CSNK1A1: variants seen among roughly 807,000 people sequenced by gnomAD.
CSNK1A1 encodes casein kinase I isoform alpha.
A neutral mutation model predicts 46.1 loss-of-function variants in CSNK1A1; 7 were observed. The ratio of observed to expected loss-of-function variants is 0.15; its 90% CI spans 0.09 to 0.29. The LOEUF (loss-of-function observed/expected upper bound fraction) is 0.29, where lower values mean the gene tolerates loss of function less well. CSNK1A1 is among the 10% of genes least tolerant of loss of function. CSNK1A1 has a pLI of 1.00. For missense variants in CSNK1A1, 96 were observed against 417.1 expected (o/e 0.23, Z 6.71); for synonymous variants, 137 against 141.5 (o/e 0.97, Z 0.23).
At chr5:149,500,403 CT>C (rs2113048568) in intron 9 of CSNK1A1, among the ~76,000 whole-genome samples, 1 of 152,220 alleles carries the variant, frequency 6.6e-6, no homozygotes, top group South Asian at 2.1e-4. Flanking sequence ...TCCCAAACTG[CT>C]GGGATTACAG....
At chr5:149,529,834 A>C (rs563926745) in intron 2 of CSNK1A1, 2 of 424,500 alleles carry the variant, frequency 4.7e-6, no homozygotes, top group South Asian at 3.3e-5. Flanking sequence ...CAGGGGAAGG[A>C]ATGACAATGA....
intron 2 of CSNK1A1, among the ~76,000 whole-genome samples, chr5:149,539,804 T>G (rs1020149087): frequency 6.6e-6 from 1 of 152,130 alleles, no homozygotes; most frequent in East Asian, 1.9e-4. Flanking sequence ...CAGTAGGACC[T>G]GTACAAATCA....
At chr5:149,508,522 T>G (rs1030057793) in intron 7 of CSNK1A1, among the ~76,000 whole-genome samples, 2 of 152,226 alleles carry the variant, frequency 1.3e-5, no homozygotes, top group African/African-American at 4.8e-5. Context: ...TTTTTATGGA[T>G]GAGATCATGG....
In CSNK1A1 at chr5:149,517,570, T is replaced by G. The variant is rs918429489; in HGVS notation, c.456+2720A>C. ...CTAAACATAATATCCTATTTTCATT[T>G]AGCTTTTTTCTAAACTTTATAAGTT... On this transcript the variant is annotated intron_variant, in intron 4 of 9. Coordinates refer to ENST00000377843, the MANE Select transcript of CSNK1A1 (RefSeq NM_001892.6). This position sits in a 1 kb window ranked among gnomAD's most constrained non-coding sequence, Gnocchi z 4.4. 6.6e-6 allele frequency among the ~76,000 whole-genome samples: 1 copy of G among 152,244 alleles called. No individual in the cohort carries two copies. The highest frequency in any genetic ancestry group is 2.4e-5 in the African/African-American group (1 of 41,470).
chr5:149,510,721 C>T (rs1311528120), intron 6 of CSNK1A1, among the ~76,000 whole-genome samples: 4 of 151,934 alleles, frequency 2.6e-5, no homozygotes, highest in Non-Finnish European at 4.4e-5. Context: ...TCAAGTGATC[C>T]GCCTGGCTGG....
At chr5:149,514,895 G>C (rs906603162) in intron 4 of CSNK1A1, among the ~76,000 whole-genome samples, 1 of 152,118 alleles carries the variant, frequency 6.6e-6, no homozygotes, top group African/African-American at 2.4e-5. Context: ...GACTCTCAAA[G>C]TAAAAAGATT....
At chr5:149,548,029 C>A (rs1421576826) in intron 2 of CSNK1A1, among the ~76,000 whole-genome samples, 22 of 152,168 alleles carry the variant, frequency 1.4e-4, no homozygotes, top group Admixed American at 6.5e-5. Context: ...TGCCACCATG[C>A]TCAGCTAATT....
At chr5:149,505,640 T>A in intron 8 of CSNK1A1, 45 bp from the exon 9 acceptor site, 2 of 1,516,262 alleles carry the variant, frequency 1.3e-6, no homozygotes, top group South Asian at 2.3e-5. Flanking sequence ...AATAACAGAG[T>A]CCAGTTATAT....
At chr5:149,505,143 AG>A (rs1760982220) in intron 9 of CSNK1A1, 2 of 1,038,410 alleles carry the variant, frequency 1.9e-6, no homozygotes, top group Non-Finnish European at 2.3e-6. Context: ...ATTTTTGGAA[AG>A]GGGGTTAATG....
intron 6 of CSNK1A1, among the ~76,000 whole-genome samples, chr5:149,511,367 A>G (rs975770334): frequency 6.6e-6 from 1 of 150,950 alleles, no homozygotes; most frequent in Non-Finnish European, 1.5e-5. Context: ...TATCATTAAC[A>G]TACACTCACA....
rs374122252 is a variant in CSNK1A1, at chr5:149,509,982, A to G, written c.676-29T>C. 51 of 1,482,684 alleles carry G rather than the reference A, an allele frequency of 3.4e-5. No homozygotes were observed. In the African/African-American group the frequency reaches 6.1e-4, roughly 18 times the overall value. 91.8% of individuals were successfully genotyped at this position (1,482,684 alleles called of 1,614,324 possible). A position where few individuals can be genotyped will look rare whatever the true frequency, so the allele number is the denominator to read the frequency against. ...TGGAAAAGAATAAAATAAAAAAGAT[A>G]TACTCAGTGCTACTGAGAAGAACCA... On this transcript the variant is annotated intron_variant, in intron 6 of 9. Transcript: ENST00000377843.
At chr5:149,515,836 A>G (rs1413529354) in intron 4 of CSNK1A1, among the ~76,000 whole-genome samples, 1 of 152,268 alleles carries the variant, frequency 6.6e-6, no homozygotes, top group Non-Finnish European at 1.5e-5. Flanking sequence ...AGGAAAAGTC[A>G]GTATCAAATA....
chr5:149,499,176 T>C (rs890815909), intron 9 of CSNK1A1: 2 of 985,218 alleles, frequency 2.0e-6, no homozygotes, highest in Non-Finnish European at 2.4e-6. Context: ...TTTTCCCCAA[T>C]ACGCATTGGT....
intron 4 of CSNK1A1, among the ~76,000 whole-genome samples, chr5:149,519,768 G>T (rs1761512479): frequency 6.6e-6 from 1 of 152,142 alleles, no homozygotes; most frequent in South Asian, 2.1e-4. Context: ...AGGCCCAAAA[G>T]TTACCCTTTT....
chr5:149,532,497 A>T (rs1310078735), intron 2 of CSNK1A1, among the ~76,000 whole-genome samples: 1 of 151,920 alleles, frequency 6.6e-6, no homozygotes. Context: ...GTTTGAGACC[A>T]CTCTGGCCAA....
intron 9 of CSNK1A1, chr5:149,501,450 A>G (rs1472468505): frequency 1.0e-6 from 1 of 985,362 alleles, no homozygotes; most frequent in Non-Finnish European, 1.2e-6. Flanking sequence ...GAACTCAGAA[A>G]AAGTCAAACT....
At chr5:149,545,321 A>G (rs756597358) in intron 2 of CSNK1A1, 4 of 347,092 alleles carry the variant, frequency 1.2e-5, no homozygotes, top group Non-Finnish European at 2.1e-5. Context: ...CAGCCCCATA[A>G]AGACGGCAGC....
At position 149,550,804 on chromosome 5, in the gene CSNK1A1, A is replaced by C; in HGVS notation, c.123+38T>G. The C allele has an allele frequency of 1.2e-6, 2 of 1,613,462 alleles. No individual in the cohort carries two copies. Among genetic ancestry groups the C allele is most frequent in the Non-Finnish European group, 1.7e-6 (2 of 1,179,572 alleles). ...GGTGGTGGTGGGGGGAATGAGTAAA[A>C]GCGCAGCGTTATCGTGAACCCCACC... On this transcript the variant is annotated intron_variant, in intron 1 of 9. Coordinates refer to ENST00000377843, the MANE Select transcript of CSNK1A1 (RefSeq NM_001892.6). This position sits in a 1 kb window ranked among gnomAD's most constrained non-coding sequence, Gnocchi z 4.3.
At chr5:149,497,266 TTC>T (rs1479585453) in intron 9 of CSNK1A1, 102 of 995,118 alleles carry the variant, frequency 1.0e-4, no homozygotes, top group African/African-American at 1.0e-3. Context: ...CACAAATTAT[TTC>T]TGACACAAAT....
Sources: gnomAD v4.1 joint callset for allele counts (sites outside exome capture counted in the v4.1 genomes callset) on GRCh38, gnomAD v4.1.1 for gene constraint, Gnocchi (gnomAD v3.1) non-coding constraint, MANE v1.5 for transcripts, NCBI Gene and HGNC (gene_info 2026-07-23, HGNC 2026-07-21) for gene names.